The following CTIF variants were observed in gnomAD, a reference collection of about 807,000 sequenced individuals.
The protein encoded by CTIF is CBP80/20-dependent translation initiation factor.
A neutral mutation model predicts 66.0 loss-of-function variants in CTIF; 21 were observed. The ratio of observed to expected loss-of-function variants is 0.32; its 90% CI spans 0.23 to 0.46. The LOEUF is 0.46. Ranked by LOEUF, CTIF falls within the 20% of genes least tolerant of loss-of-function variation. CTIF has a pLI of 1.00. For synonymous variants in CTIF, 345 were observed against 326.4 expected (o/e 1.06, Z -0.62); for missense variants, 739 against 812.7 (o/e 0.91, Z 1.10).
chr18:48,592,238 ACC>A, intron 1 of CTIF, among the ~76,000 whole-genome samples: 1 of 62,498 alleles, frequency 1.6e-5, no homozygotes, highest in Middle Eastern at 7.0e-3. Flanking sequence ...AGTGGCTCAC[ACC>A]TACCTGTAAT....
chr18:48,621,191 T>A (rs1293018204), intron 2 of CTIF, among the ~76,000 whole-genome samples: 3 of 149,626 alleles, frequency 2.0e-5, no homozygotes, highest in Non-Finnish European at 4.4e-5. Flanking sequence ...ATCATTGCGA[T>A]GGAGAAAAGT....
chr18:48,578,253 A>AT (rs2089579042), intron 1 of CTIF, among the ~76,000 whole-genome samples: 1 of 151,780 alleles, frequency 6.6e-6, no homozygotes, highest in African/African-American at 2.4e-5. Context: ...TTGTTTCCAT[A>AT]TTTTGGCTAT....
chr18:48,860,603 G>C lies in CTIF; in HGVS notation c.*1044G>C, dbSNP rs1185318946. ...GGCAAACAGGGCACAGAACGAGACT[G>C]GCAAATTAAAACCAAAATTCTAGAT... is the stretch of plus-strand genomic sequence containing the variant. On this transcript the variant is annotated 3_prime_UTR_variant, in exon 12 of 12. Transcript: ENST00000256413. The C allele has an allele frequency of 6.6e-6, 1 of 152,516 alleles. No individual in the cohort carries two copies. Among genetic ancestry groups the C allele is most frequent in the African/African-American group, 2.4e-5 (1 of 41,450 alleles). 9.4% of individuals were successfully genotyped at this position (152,516 alleles called of 1,614,324 possible). A position where few individuals can be genotyped will look rare whatever the true frequency, so the allele number is the denominator to read the frequency against.
At position 48,561,431 on chromosome 18, in the gene CTIF, G is replaced by T. The variant is rs2089161642; in HGVS notation, c.-29+22119G>T. On this transcript the variant is annotated intron_variant, in intron 1 of 11. Coordinates refer to ENST00000256413, the MANE Select transcript of CTIF (RefSeq NM_014772.3). ...ATTTCTTCAGCCATTCCCAGAAATT[G>T]CTGAGACTGGGAAGTGCAGGCTCTT... Among the ~76,000 whole-genome samples, 3 of 152,174 alleles carry T rather than the reference G, an allele frequency of 2.0e-5. No individual in the cohort carries two copies. The South Asian group carries it at 6.2e-4, about 32-fold the overall frequency.
At chr18:48,665,361 C>G (rs1366691045) in intron 5 of CTIF, among the ~76,000 whole-genome samples, 1 of 152,204 alleles carries the variant, frequency 6.6e-6, no homozygotes, top group South Asian at 2.1e-4. Flanking sequence ...CTTCCCTTTT[C>G]AAAAGTGGTG....
chr18:48,738,075 C>T (rs1300873256), intron 7 of CTIF, among the ~76,000 whole-genome samples: 1 of 152,208 alleles, frequency 6.6e-6, no homozygotes. Flanking sequence ...TCTGTCTTCC[C>T]CATCTCAGAC....
chr18:48,817,464 G>A, intron 10 of CTIF, 88 bp downstream of exon 10: 2 of 1,478,284 alleles, frequency 1.4e-6, no homozygotes, highest in South Asian at 2.6e-5. Context: ...AAGCTGTGAG[G>A]GTAGGCTCAC....
At chr18:48,584,042 TGGTGG>T (rs747596258) in intron 1 of CTIF, among the ~76,000 whole-genome samples, 1 of 152,134 alleles carries the variant, frequency 6.6e-6, no homozygotes, top group African/African-American at 2.4e-5. Context: ...TCTCTTATCT[TGGTGG>T]ATGAATTTTG....
chr18:48,757,850 G>C, intron 7 of CTIF, 69 bp from the exon 8 acceptor site: 1 of 1,535,884 alleles, frequency 6.5e-7, no homozygotes, highest in Non-Finnish European at 8.7e-7. Flanking sequence ...TGTTCTGGCG[G>C]CTGGGCACAG....
chr18:48,697,016 A>G (rs1219342116), intron 6 of CTIF, among the ~76,000 whole-genome samples: 2 of 152,164 alleles, frequency 1.3e-5, no homozygotes, highest in African/African-American at 4.8e-5. Context: ...ACTGAGCCTT[A>G]TGGTTAGAGG....
intron 10 of CTIF, among the ~76,000 whole-genome samples, chr18:48,819,109 C>A (rs2068429608): frequency 1.3e-5 from 2 of 152,202 alleles, no homozygotes; most frequent in Non-Finnish European, 2.9e-5. Flanking sequence ...GTTTTGTAAA[C>A]CCATGAGCCT....
intron 6 of CTIF, among the ~76,000 whole-genome samples, chr18:48,695,881 G>C (rs1017394059): frequency 6.6e-6 from 1 of 152,212 alleles, no homozygotes; most frequent in Admixed American, 6.5e-5. Context: ...AGTTCGCAGG[G>C]AACTTCCTGC....
chr18:48,582,997 C>T (rs1398483845), intron 1 of CTIF, among the ~76,000 whole-genome samples: 1 of 152,236 alleles, frequency 6.6e-6, no homozygotes, highest in Non-Finnish European at 1.5e-5. Context: ...TGAGGGTCAG[C>T]ACCTCTGGTA....
At chr18:48,564,852 C>T (rs1470958698) in intron 1 of CTIF, 1 of 152,082 alleles carries the variant, frequency 6.6e-6, no homozygotes, top group Non-Finnish European at 1.5e-5. Flanking sequence ...CCCCTGGGCC[C>T]CAGCAATCCT....
intron 3 of CTIF, among the ~76,000 whole-genome samples, chr18:48,662,792 G>A (rs1265838727): frequency 6.6e-6 from 1 of 151,976 alleles, no homozygotes; most frequent in Non-Finnish European, 1.5e-5. Context: ...TTTGTTCCCT[G>A]TATGCTTGTG....
intron 5 of CTIF, among the ~76,000 whole-genome samples, chr18:48,669,673 C>G (rs183097601): frequency 2.7e-5 from 4 of 150,412 alleles, no homozygotes; most frequent in Non-Finnish European, 3.0e-5. Flanking sequence ...GTTATTATTA[C>G]CAGTATTTAC....
At chr18:48,776,290 T>A (rs1910665840) in intron 9 of CTIF, among the ~76,000 whole-genome samples, 1 of 152,222 alleles carries the variant, frequency 6.6e-6, no homozygotes, top group Non-Finnish European at 1.5e-5. Flanking sequence ...CACCAGCTGC[T>A]TCCAGAGCTA....
At chr18:48,806,663 G>A (rs772906114) in intron 9 of CTIF, among the ~76,000 whole-genome samples, 1 of 152,172 alleles carries the variant, frequency 6.6e-6, no homozygotes, top group Non-Finnish European at 1.5e-5. Flanking sequence ...CCCTGTGGTG[G>A]TTTGCGCTGC....
At chr18:48,663,938 A>G (rs2091390387) in intron 4 of CTIF, 113 bp downstream of exon 4, 1 of 974,268 alleles carries the variant, frequency 1.0e-6, no homozygotes, top group East Asian at 2.4e-5. Flanking sequence ...AGAGAAGCAG[A>G]GTAGGGGATG....
Sources: gnomAD v4.1 joint callset for allele counts (sites outside exome capture counted in the v4.1 genomes callset) on GRCh38, gnomAD v4.1.1 for gene constraint, MANE v1.5 for transcripts, NCBI Gene and HGNC (gene_info 2026-07-23, HGNC 2026-07-21) for gene names.